The following TEX10 variants were observed in gnomAD, a reference collection of about 807,000 sequenced individuals.
TEX10 encodes the protein testis expressed 10, also known as testis-expressed protein 10.
A neutral mutation model predicts 104.4 loss-of-function variants in TEX10; 24 were observed. That is an observed-to-expected ratio of 0.23 (90% CI 0.17 to 0.32). The LOEUF (loss-of-function observed/expected upper bound fraction) is 0.32, where lower values mean the gene tolerates loss of function less well. TEX10 is among the 10% of genes least tolerant of loss of function. The pLI, the probability that TEX10 is intolerant of heterozygous loss-of-function variation, is 1.00. For synonymous variants in TEX10, 396 were observed against 393.4 expected (o/e 1.01, Z -0.08); for missense variants, 921 against 1,083.9 (o/e 0.85, Z 2.11).
chr9:100,339,976 CAT>C (rs1180520869), intron 5 of TEX10, among the ~76,000 whole-genome samples: 1 of 151,954 alleles, frequency 6.6e-6, no homozygotes, highest in African/African-American at 2.4e-5. Context: ...CCAAATAAAC[CAT>C]ACACCTTGGC....
chr9:100,343,760 C>T (rs1835231813), intron 4 of TEX10, among the ~76,000 whole-genome samples: 1 of 152,124 alleles, frequency 6.6e-6, no homozygotes, highest in Admixed American at 6.6e-5. Flanking sequence ...ATAGAAAAAT[C>T]TATACAGTTT....
At chr9:100,332,548 G>A (rs1375776576) in intron 5 of TEX10, among the ~76,000 whole-genome samples, 4 of 152,182 alleles carry the variant, frequency 2.6e-5, no homozygotes, top group African/African-American at 4.8e-5. Flanking sequence ...CAGGCCGGGC[G>A]CAGTGGCTCA....
chr9:100,302,223 G>A lies in TEX10; in HGVS notation c.2758C>T (p.Gln920Ter). 2 of 1,612,404 alleles carry A rather than the reference G, an allele frequency of 1.2e-6. No individual in the cohort carries two copies. Among genetic ancestry groups the A allele is most frequent in the Non-Finnish European group, 1.7e-6 (2 of 1,178,906 alleles). ...CFNVYITGHP[Q>*]GPSALATVY is the part of the protein sequence containing the mutation. The stretch of plus-strand genomic sequence containing the variant: ...ACTGTAGCCAGTGCACTGGGCCCTT[G>A]GGGATGCCCAGTGATATACACGTTG... Residue 920 changes from glutamine (Q) to a stop codon, truncating the protein, a stop_gained, in exon 15 of 15, where the codon CAA (glutamine) becomes TAA (stop). Transcript: ENST00000374902. LOFTEE classifies it high-confidence loss of function.
chr9:100,332,016 A>G (rs1029076119), intron 5 of TEX10, among the ~76,000 whole-genome samples: 2 of 152,240 alleles, frequency 1.3e-5, no homozygotes, highest in African/African-American at 4.8e-5. Context: ...AAAGGGGCAG[A>G]GAGATCTAGA....
chr9:100,323,094 T>C (rs1834612729), intron 9 of TEX10, among the ~76,000 whole-genome samples: 1 of 152,168 alleles, frequency 6.6e-6, no homozygotes, highest in African/African-American at 2.4e-5. Context: ...CAAACTATTA[T>C]CTTCTTGACC....
chr9:100,349,604 TG>T (rs1835390781), intron 1 of TEX10, among the ~76,000 whole-genome samples: 1 of 152,216 alleles, frequency 6.6e-6, no homozygotes, highest in Non-Finnish European at 1.5e-5. Context: ...CAAAGTTTTT[TG>T]GGTCACAGAA....
At chr9:100,347,471 G>C in intron 2 of TEX10, 65 bp from the exon 3 acceptor site, 1 of 1,289,170 alleles carries the variant, frequency 7.8e-7, no homozygotes, top group Non-Finnish European at 1.1e-6. Context: ...ACGTAAACAT[G>C]CTAACTAACA....
chr9:100,326,583 T>C (rs1834710466), intron 8 of TEX10, 104 bp from the exon 9 acceptor site: 2 of 1,128,076 alleles, frequency 1.8e-6, no homozygotes, highest in South Asian at 1.9e-5. Context: ...GCTAACATTT[T>C]ATGCTGAATT....
rs181627694 is a variant in TEX10 at position 100,344,733 on chromosome 9, C to T, written c.1137+1339G>A. Among the ~76,000 whole-genome samples, 97 of 152,288 alleles carry T rather than the reference C, an allele frequency of 6.4e-4. 1 individual carries two copies. Among genetic ancestry groups the T allele is most frequent in the African/African-American group, 2.2e-3 (92 of 41,564 alleles). ...TGGTGGCGGGCACCTGTAAGCCTAG[C>T]TACTCAAGAGGCTGAGGCAGGAGAA... On this transcript the variant is annotated intron_variant, in intron 4 of 14. Transcript: ENST00000374902.
Position 100,302,091 on chromosome 9 carries a change from A to C in TEX10, c.*100T>G, listed in dbSNP as rs557542255. 2.9e-6 allele frequency: 2 copies of C among 700,732 alleles called. No homozygotes were observed. Among genetic ancestry groups the C allele is most frequent in the Non-Finnish European group, 2.3e-6 (1 of 440,310 alleles). The allele number at this position is 700,732 out of a possible 1,614,324, so 43.4% of individuals were successfully genotyped here. ...GAAAGAAGGTTCGTAAACTTCTTTA[A>C]AAGTTCAGCTTTAATGACAAAGATC... On this transcript the variant is annotated 3_prime_UTR_variant, in exon 15 of 15. Coordinates refer to ENST00000374902, the MANE Select transcript of TEX10 (RefSeq NM_017746.4).
intron 4 of TEX10, among the ~76,000 whole-genome samples, chr9:100,340,980 T>C (rs1450052107): frequency 6.6e-6 from 1 of 152,156 alleles, no homozygotes; most frequent in East Asian, 1.9e-4. Flanking sequence ...TTGGTTTTTT[T>C]TTTTGAGATG....
intron 4 of TEX10, among the ~76,000 whole-genome samples, chr9:100,342,800 TA>T (rs1467735890): frequency 2.6e-5 from 4 of 152,158 alleles, no homozygotes; most frequent in Non-Finnish European, 5.9e-5. Flanking sequence ...TACAGTACCC[TA>T]AAAACCACAG....
At chr9:100,330,976 CCAGG>C (rs1834847645) in intron 5 of TEX10, among the ~76,000 whole-genome samples, 2 of 152,098 alleles carry the variant, frequency 1.3e-5, no homozygotes, top group South Asian at 4.1e-4. Flanking sequence ...AAAATTAAAG[CCAGG>C]CATGGGAGCT....
At position 100,335,549 on chromosome 9, in the gene TEX10, C is replaced by T. The variant is rs954628386; in HGVS notation, c.1250+4708G>A. On this transcript the variant is annotated intron_variant, in intron 5 of 14. Coordinates refer to ENST00000374902, the MANE Select transcript of TEX10 (RefSeq NM_017746.4). The stretch of plus-strand genomic sequence containing the variant: ...ATTTATGTTTACTGCTTATTCAGGA[C>T]CTTCTTAAGTGAAACTGGCTTGTTT... Among the ~76,000 whole-genome samples the T allele has an allele frequency of 2.6e-4, 40 of 152,048 alleles. 1 individual carries two copies. Among genetic ancestry groups the T allele is most frequent in the African/African-American group, 8.5e-4 (35 of 41,400 alleles).
At chr9:100,328,547 T>G (rs1834765800) in intron 7 of TEX10, among the ~76,000 whole-genome samples, 1 of 152,208 alleles carries the variant, frequency 6.6e-6, no homozygotes, top group Non-Finnish European at 1.5e-5. Context: ...AGTAGCAGTA[T>G]GAAGATTATT....
chr9:100,308,519 C>T lies in TEX10; in HGVS notation c.2446G>A (p.Ala816Thr), dbSNP rs749732410. ...AATTACCTCTTTCTTAGATGTTCTGCTTCCCCTTTCTCTATAGTGAGCAGA... is the reference window on the plus strand; with the variant it reads ...AATTACCTCTTTCTTAGATGTTCTGTTTCCCCTTTCTCTATAGTGAGCAGA... ...YFLLTIEKGE[A>T]EHLRKRDKLW... Residue 816 changes from alanine to threonine, a missense_variant, in exon 13 of 15, where the codon GCA becomes ACA. By Grantham distance (58) the Ala-to-Thr change is moderately conservative (BLOSUM62 0). This residue lies in a region of TEX10 where 753 missense variants were observed against 868.4 expected (regional missense o/e 0.87). Coordinates refer to ENST00000374902, the MANE Select transcript of TEX10 (RefSeq NM_017746.4). 1 of 1,590,048 alleles carries T rather than the reference C, an allele frequency of 6.3e-7. No homozygotes were observed. Among genetic ancestry groups the T allele is most frequent in the South Asian group, 1.2e-5 (1 of 85,674 alleles).
intron 3 of TEX10, 45 bp downstream of exon 3, chr9:100,346,649 T>A: frequency 6.5e-7 from 1 of 1,544,280 alleles, no homozygotes; most frequent in Admixed American, 1.9e-5. Flanking sequence ...GCAGTTATAA[T>A]TCAATACAGC....
intron 11 of TEX10, 48 bp downstream of exon 11, chr9:100,320,217 T>A (rs760931725): frequency 6.5e-7 from 1 of 1,532,060 alleles, no homozygotes; most frequent in Non-Finnish European, 8.8e-7. Context: ...TACTGGTTGA[T>A]GAACTGAATT....
intron 4 of TEX10, among the ~76,000 whole-genome samples, chr9:100,341,851 G>A (rs1035901846): frequency 1.3e-5 from 2 of 152,202 alleles, no homozygotes; most frequent in African/African-American, 4.8e-5. Context: ...GCACCTGGGA[G>A]TTCACTAGTG....
Sources: allele counts gnomAD v4.1 joint callset (sites outside exome capture counted in the v4.1 genomes callset), GRCh38; gene constraint gnomAD v4.1.1; regional missense constraint gnomAD v4.1.1; transcripts MANE v1.5; gene names NCBI Gene and HGNC (gene_info 2026-07-23, HGNC 2026-07-21).